Variants in LMBR1 observed in about 807,000 individuals in gnomAD.
LMBR1 encodes the protein limb region 1 protein homolog.
A neutral mutation model predicts 73.9 loss-of-function variants in LMBR1; 52 were observed. The ratio of observed to expected loss-of-function variants is 0.70; its 90% CI spans 0.56 to 0.89. The LOEUF (loss-of-function observed/expected upper bound fraction) is 0.89. Ranked by LOEUF, LMBR1 falls within the 40% of genes least tolerant of loss-of-function variation. LMBR1 has a pLI of 0.00. For missense variants in LMBR1, 539 were observed against 579.8 expected (o/e 0.93, Z 0.72); for synonymous variants, 215 against 209.4 (o/e 1.03, Z -0.23).
intron 8 of LMBR1, among the ~76,000 whole-genome samples, chr7:156,761,741 C>T (rs528659636): frequency 7.4e-4 from 112 of 152,082 alleles, no homozygotes; most frequent in African/African-American, 2.6e-3. Context: ...CTTTGGGAGG[C>T]CGAGGTGGGC....
At chr7:156,830,718 C>A (rs1335393296) in intron 3 of LMBR1, among the ~76,000 whole-genome samples, 1 of 152,240 alleles carries the variant, frequency 6.6e-6, no homozygotes, top group Non-Finnish European at 1.5e-5. Context: ...ATACGTCACT[C>A]TAAACTAGTG....
chr7:156,828,430 G>A (rs756860044), intron 3 of LMBR1, among the ~76,000 whole-genome samples: 6 of 152,164 alleles, frequency 3.9e-5, no homozygotes, highest in Non-Finnish European at 8.8e-5. Flanking sequence ...CATCTTCAGA[G>A]TAATGCATCT....
chr7:156,768,178 G>A (rs1013488872), intron 5 of LMBR1, among the ~76,000 whole-genome samples: 5 of 152,002 alleles, frequency 3.3e-5, no homozygotes, highest in Non-Finnish European at 5.9e-5. Context: ...TTGAGGTCAG[G>A]AGTTCAAGAC....
chr7:156,784,663 A>G (rs1168608091), intron 5 of LMBR1, among the ~76,000 whole-genome samples: 1 of 152,202 alleles, frequency 6.6e-6, no homozygotes, highest in African/African-American at 2.4e-5. Context: ...AAACTGCATA[A>G]TATCCTATGG....
At chr7:156,705,506 C>T (rs1316723913) in intron 15 of LMBR1, among the ~76,000 whole-genome samples, 1 of 152,124 alleles carries the variant, frequency 6.6e-6, no homozygotes, top group African/African-American at 2.4e-5. Context: ...TTGCAGTGAG[C>T]TGTGATCATG....
At chr7:156,725,987 G>T in intron 12 of LMBR1, 150 bp from the exon 13 acceptor site, 1 of 521,920 alleles carries the variant, frequency 1.9e-6, no homozygotes. Flanking sequence ...AACAAGACAT[G>T]ACATTAGACT....
At position 156,834,778 on chromosome 7, in the gene LMBR1, G is replaced by A. The variant is rs530737076; in HGVS notation, c.140-986C>T. ...GGTCTTCACTCACACTCTCCTTCTC[G>A]CTCATGCCTGTCAGCAATCTCTTTT... On this transcript the variant is annotated intron_variant, in intron 2 of 16. Transcript: ENST00000353442. Among the ~76,000 whole-genome samples, 524 of 151,142 alleles carry A rather than the reference G, an allele frequency of 3.5e-3. 3 individuals are homozygous for A. The highest frequency in any genetic ancestry group is 0.012 in the African/African-American group (503 of 41,150).
At chr7:156,850,192 A>G (rs1034276933) in intron 1 of LMBR1, among the ~76,000 whole-genome samples, 1 of 152,118 alleles carries the variant, frequency 6.6e-6, no homozygotes, top group Non-Finnish European at 1.5e-5. Context: ...TTACGGTGAG[A>G]GCAGGTTTGT....
chr7:156,892,874 G>A, intron 1 of LMBR1, 54 bp downstream of exon 1: 1 of 1,333,780 alleles, frequency 7.5e-7, no homozygotes. Context: ...GGGCGGGGAC[G>A]GAGGGCCCGG....
chr7:156,727,156 T>C lies in LMBR1; in HGVS notation c.993+774A>G, dbSNP rs1269818997. Among the ~76,000 whole-genome samples, 4 of 152,364 alleles carry C rather than the reference T, an allele frequency of 2.6e-5. No homozygotes were observed. The East Asian group carries it at 7.7e-4, about 29-fold the overall frequency. On this transcript the variant is annotated intron_variant, in intron 12 of 16. Transcript: ENST00000353442. ...CAATAGGTTAGAAAAAGGTATTACT[T>C]CTTCTCCCCTACAGAAGCTTATTGA...
Position 156,781,518 on chromosome 7 carries a change from T to C in LMBR1, c.423+14871A>G, listed in dbSNP as rs545875677. On this transcript the variant is annotated intron_variant, in intron 5 of 16. Coordinates refer to ENST00000353442, the MANE Select transcript of LMBR1 (RefSeq NM_022458.4). ...CATACATATTAGTATTTTATTAATA[T>C]ATTTATATATTTTTCCATTGAAAAT... Among the ~76,000 whole-genome samples, 6 of 152,252 alleles carry C rather than the reference T, an allele frequency of 3.9e-5. No individual in the cohort carries two copies. In the South Asian group the frequency reaches 1.2e-3, roughly 32 times the overall value.
At chr7:156,705,893 C>A (rs570239371) in intron 15 of LMBR1, among the ~76,000 whole-genome samples, 20 of 151,666 alleles carry the variant, frequency 1.3e-4, no homozygotes, top group African/African-American at 4.8e-4. Flanking sequence ...AACTAGAAAA[C>A]AATGAAAAAA....
intron 5 of LMBR1, among the ~76,000 whole-genome samples, chr7:156,786,649 T>C (rs1412013463): frequency 6.6e-6 from 1 of 152,182 alleles, no homozygotes; most frequent in African/African-American, 2.4e-5. Flanking sequence ...AGAGTTTAGT[T>C]GAAGTGTAAA....
At chr7:156,833,424 T>C in intron 3 of LMBR1, 1 of 257,596 alleles carries the variant, frequency 3.9e-6, no homozygotes, top group Non-Finnish European at 7.3e-6. Context: ...TGTCCGCTGC[T>C]CGGTTCAAGA....
intron 1 of LMBR1, among the ~76,000 whole-genome samples, chr7:156,847,676 A>G (rs1795685555): frequency 6.6e-6 from 1 of 152,228 alleles, no homozygotes; most frequent in South Asian, 2.1e-4. Flanking sequence ...ACACAAAAAG[A>G]TGCTCCACAT....
At chr7:156,729,731 C>T (rs778818320) in intron 10 of LMBR1, among the ~76,000 whole-genome samples, 2 of 152,154 alleles carry the variant, frequency 1.3e-5, no homozygotes, top group Non-Finnish European at 2.9e-5. Context: ...CCTCGGCCTC[C>T]CAAAGGGCTG....
intron 15 of LMBR1, among the ~76,000 whole-genome samples, chr7:156,692,172 G>A (rs1050753248): frequency 2.0e-5 from 3 of 152,128 alleles, no homozygotes; most frequent in African/African-American, 7.2e-5. Context: ...GCCCTCCTGG[G>A]TTCAAGCGAT....
rs763674051 is a variant in LMBR1, at chr7:156,763,766, C to G, written c.453G>C (p.Leu151Phe). 3 of 1,600,486 alleles carry G rather than the reference C, an allele frequency of 1.9e-6. No individual in the cohort carries two copies. Among genetic ancestry groups the G allele is most frequent in the South Asian group, 2.3e-5 (2 of 88,254 alleles). Residue 151 changes from leucine to phenylalanine, a missense_variant, in exon 6 of 17, where the codon TTG (leucine) becomes TTC (phenylalanine). This residue lies in a region of LMBR1 where 454 missense variants were observed against 473.4 expected (regional missense o/e 0.96). Coordinates refer to ENST00000353442, the MANE Select transcript of LMBR1 (RefSeq NM_022458.4). ...GTAACGCAAGAAGAAGAAGCATGAC[C>G]AAAGTCTCTAAAATGCGGGCTCGGA... Reference protein sequence around the residue: ...KGIRARILETLVMLLLLALLI... With the variant: ...KGIRARILETFVMLLLLALLI...
chr7:156,676,331 G>A (rs779938962), downstream of LMBR1: 36 of 1,612,866 alleles, frequency 2.2e-5, no homozygotes, highest in South Asian at 7.7e-5. Flanking sequence ...CCCATGTCTC[G>A]GGGCACATGG....
Sources: gnomAD v4.1 joint callset for allele counts (sites outside exome capture counted in the v4.1 genomes callset) on GRCh38, gnomAD v4.1.1 for gene constraint, gnomAD v4.1.1 regional missense constraint, MANE v1.5 for transcripts, NCBI Gene and HGNC (gene_info 2026-07-23, HGNC 2026-07-21) for gene names.